DLG2: variants seen among roughly 807,000 people sequenced by gnomAD.
DLG2 encodes the protein disks large homolog 2.
In DLG2, 45 loss-of-function variants were observed where a neutral mutation model predicts 132.5. That is an observed-to-expected ratio of 0.34 (90% CI 0.27 to 0.44). DLG2 has a LOEUF of 0.44. DLG2 is among the 20% of genes least tolerant of loss of function. The pLI, the probability that DLG2 is intolerant of heterozygous loss-of-function variation, is 1.00. For synonymous variants in DLG2, 424 were observed against 419.6 expected (o/e 1.01, Z -0.13); for missense variants, 1,045 against 1,196.9 (o/e 0.87, Z 1.87).
intron 3 of DLG2, among the ~76,000 whole-genome samples, chr11:85,488,691 T>G (rs1404925157): frequency 6.6e-6 from 1 of 152,164 alleles, no homozygotes; most frequent in Non-Finnish European, 1.5e-5. Flanking sequence ...CAGAAGAGAA[T>G]GGAATGACAT....
intron 6 of DLG2, among the ~76,000 whole-genome samples, chr11:85,042,316 G>T (rs2061944086): frequency 6.6e-6 from 1 of 151,938 alleles, no homozygotes; most frequent in Non-Finnish European, 1.5e-5. Context: ...AAAACAGGAT[G>T]AAGCCCTGGG....
chr11:84,851,437 G>A (rs1199156766), intron 6 of DLG2, among the ~76,000 whole-genome samples: 2 of 151,986 alleles, frequency 1.3e-5, no homozygotes, highest in African/African-American at 4.8e-5. Context: ...TAACTCACTG[G>A]AATTGAATTC....
intron 6 of DLG2, among the ~76,000 whole-genome samples, chr11:84,994,207 C>T (rs2057413593): frequency 6.6e-6 from 1 of 152,150 alleles, no homozygotes; most frequent in South Asian, 2.1e-4. Context: ...CTAATACAAA[C>T]GTGAGCCTCA....
chr11:84,960,560 C>A (rs958887654), intron 6 of DLG2, among the ~76,000 whole-genome samples: 2 of 151,888 alleles, frequency 1.3e-5, no homozygotes, highest in Admixed American at 6.6e-5. Context: ...CTCAGCCTCC[C>A]GAGTAGCTGG....
chr11:85,470,253 G>GAA (rs201076582), intron 3 of DLG2, among the ~76,000 whole-genome samples: 1 of 136,736 alleles, frequency 7.3e-6, no homozygotes, highest in Non-Finnish European at 1.6e-5. Flanking sequence ...ATTTAAAATA[G>GAA]AAAAAAAAAC....
rs56282184 is a variant in DLG2, at chr11:83,664,739, C to G, written c.1826-31414G>C. On this transcript the variant is annotated intron_variant, in intron 18 of 27. Transcript: ENST00000376104. Reference sequence around the variant, plus strand: ...AATGTCTGTGTGTCTAACTTATGATCCAGGTTCATTTTACCTTTGAAAAGC... The same window carrying G: ...AATGTCTGTGTGTCTAACTTATGATGCAGGTTCATTTTACCTTTGAAAAGC... 6.7e-3 allele frequency among the ~76,000 whole-genome samples: 1,015 copies of G among 152,248 alleles called. 9 individuals are homozygous for G. Among genetic ancestry groups the G allele is most frequent in the African/African-American group, 0.023 (965 of 41,518 alleles).
At chr11:84,229,276 A>G (rs1244162944) in intron 8 of DLG2, among the ~76,000 whole-genome samples, 2 of 152,184 alleles carry the variant, frequency 1.3e-5, no homozygotes, top group African/African-American at 4.8e-5. Context: ...AGGATTTAAA[A>G]TGTTCTTCTT....
intron 22 of DLG2, among the ~76,000 whole-genome samples, chr11:83,481,202 C>T (rs2093074342): frequency 6.6e-6 from 1 of 152,056 alleles, no homozygotes; most frequent in Non-Finnish European, 1.5e-5. Context: ...GCTTGCACAG[C>T]AATACTCCAA....
chr11:84,231,989 T>A (rs2097099801), intron 8 of DLG2, among the ~76,000 whole-genome samples: 1 of 151,844 alleles, frequency 6.6e-6, no homozygotes, highest in Non-Finnish European at 1.5e-5. Flanking sequence ...GTGAGTTGAG[T>A]TGATAGTGAG....
In DLG2 at chr11:84,994,919, A is replaced by C. The variant is rs1430096769; in HGVS notation, c.357+116742T>G. 2.0e-5 allele frequency among the ~76,000 whole-genome samples: 3 copies of C among 152,290 alleles called. No individual in the cohort carries two copies. In the East Asian group the frequency reaches 5.8e-4, roughly 29 times the overall value. On this transcript the variant is annotated intron_variant, in intron 6 of 27. Coordinates refer to ENST00000376104, the MANE Select transcript of DLG2 (RefSeq NM_001142699.3). Reference sequence around the variant, plus strand: ...GATGAAAAAATTCTTAAGGAACTTAATATGTGTCCTCTGGAGTCTTGGGGT... The same window carrying C: ...GATGAAAAAATTCTTAAGGAACTTACTATGTGTCCTCTGGAGTCTTGGGGT...
chr11:85,322,386 T>A (rs1240647647), intron 3 of DLG2, among the ~76,000 whole-genome samples: 1 of 152,166 alleles, frequency 6.6e-6, no homozygotes, highest in Non-Finnish European at 1.5e-5. Context: ...TGGATGAAAA[T>A]CATTTGCCTA....
intron 19 of DLG2, among the ~76,000 whole-genome samples, chr11:83,626,288 A>G (rs2062514167): frequency 6.6e-6 from 1 of 152,188 alleles, no homozygotes; most frequent in South Asian, 2.1e-4. Context: ...CACATGGGGT[A>G]TCAGGAAATG....
rs57445306 is a variant in DLG2, at chr11:84,441,132, A to AATTATTATTATTATT, written c.519+93423_519+93437dup. Among the ~76,000 whole-genome samples, 89 of 148,600 alleles carry AATTATTATTATTATT rather than the reference A, an allele frequency of 6.0e-4. 1 individual carries two copies. Among genetic ancestry groups the AATTATTATTATTATT allele is most frequent in the African/African-American group, 2.2e-3 (89 of 39,948 alleles). On this transcript the variant is annotated intron_variant, in intron 7 of 27. Transcript: ENST00000376104. ...CTTTGGCTAATGTCTGATGTTAGTA[A>AATTATTATTATTATT]ATTATTATTATTATTATTATTATTA...
At chr11:83,885,683 A>C (rs2067647833) in intron 15 of DLG2, among the ~76,000 whole-genome samples, 1 of 152,200 alleles carries the variant, frequency 6.6e-6, no homozygotes, top group African/African-American at 2.4e-5. Flanking sequence ...AAAAAATGTT[A>C]AGGGCAGCCA....
At chr11:85,524,322 C>A (rs2074569029) in intron 3 of DLG2, among the ~76,000 whole-genome samples, 1 of 151,904 alleles carries the variant, frequency 6.6e-6, no homozygotes, top group Non-Finnish European at 1.5e-5. Context: ...GAAATAATTT[C>A]ACATTGTATG....
chr11:84,043,200 A>G (rs2096142149), intron 11 of DLG2, among the ~76,000 whole-genome samples: 1 of 151,442 alleles, frequency 6.6e-6, no homozygotes, highest in East Asian at 1.9e-4. Flanking sequence ...AATAAATTAA[A>G]TAAATAAATT....
At chr11:84,689,133 G>A (rs1331465556) in intron 6 of DLG2, among the ~76,000 whole-genome samples, 1 of 152,080 alleles carries the variant, frequency 6.6e-6, no homozygotes, top group East Asian at 1.9e-4. Flanking sequence ...AAATAACTAT[G>A]AAATGAGAAA....
At chr11:84,771,652 A>G (rs1392690966) in intron 6 of DLG2, among the ~76,000 whole-genome samples, 1 of 152,228 alleles carries the variant, frequency 6.6e-6, no homozygotes, top group Non-Finnish European at 1.5e-5. Flanking sequence ...AGTTTTATAA[A>G]CAGAAATGAG....
chr11:85,455,377 T>G (rs535557354), intron 3 of DLG2, among the ~76,000 whole-genome samples: 1 of 152,222 alleles, frequency 6.6e-6, no homozygotes, highest in Non-Finnish European at 1.5e-5. Flanking sequence ...TGATTTTGTA[T>G]CCCAAAACTT....
Sources: allele counts gnomAD v4.1 joint callset (sites outside exome capture counted in the v4.1 genomes callset), GRCh38; gene constraint gnomAD v4.1.1; transcripts MANE v1.5; gene names NCBI Gene and HGNC (gene_info 2026-07-23, HGNC 2026-07-21).